Variants in CSRNP3 observed in about 807,000 individuals in gnomAD.
CSRNP3 encodes cysteine/serine-rich nuclear protein 3.
In CSRNP3, 12 loss-of-function variants were observed where a neutral mutation model predicts 48.0. That is an observed-to-expected ratio of 0.25 (90% CI 0.16 to 0.41). CSRNP3 has a LOEUF of 0.41. Among genes scored for constraint, CSRNP3 ranks in the 10% least tolerant of loss-of-function variants. CSRNP3 has a pLI of 1.00. For synonymous variants in CSRNP3, 263 were observed against 269.7 expected, an observed-to-expected ratio of 0.98 and a Z score of 0.24; for missense variants, 580 against 724.4, an observed-to-expected ratio of 0.80 and a Z score of 2.29.
At chr2:165,597,541 G>C (rs886715836) in intron 4 of CSRNP3, among the ~76,000 whole-genome samples, 1 of 151,850 alleles carries the variant, frequency 6.6e-6, no homozygotes, top group Non-Finnish European at 1.5e-5. Context: ...ACATTTAGTA[G>C]AATCACTATA....
At chr2:165,517,013 A>G (rs1684590807) in intron 2 of CSRNP3, among the ~76,000 whole-genome samples, 1 of 152,068 alleles carries the variant, frequency 6.6e-6, no homozygotes, top group Admixed American at 6.5e-5. Flanking sequence ...GCTATGATCA[A>G]TGATAGCTCT....
At chr2:165,486,086 G>A (rs898077526) in intron 1 of CSRNP3, among the ~76,000 whole-genome samples, 10 of 152,138 alleles carry the variant, frequency 6.6e-5, no homozygotes, top group East Asian at 1.9e-4. Context: ...CAGTGGGTGC[G>A]CGCACCGTGC....
chr2:165,592,827 A>C (rs1286083734), intron 3 of CSRNP3, among the ~76,000 whole-genome samples: 1 of 113,114 alleles, frequency 8.8e-6, no homozygotes, highest in Non-Finnish European at 1.7e-5. Context: ...TTTGAGACGG[A>C]GTCTCGCTCT....
chr2:165,503,566 G>T (rs1314527234), intron 2 of CSRNP3, among the ~76,000 whole-genome samples: 1 of 151,852 alleles, frequency 6.6e-6, no homozygotes, highest in Admixed American at 6.6e-5. Context: ...TATCTCACAT[G>T]ATTATTATTT....
chr2:165,583,465 AC>A (rs1264758705), intron 3 of CSRNP3, among the ~76,000 whole-genome samples: 1 of 152,116 alleles, frequency 6.6e-6, no homozygotes. Flanking sequence ...GCTGGAAAAG[AC>A]CCCAGTGGGA....
At chr2:165,653,435 G>T (rs1317939812) in intron 4 of CSRNP3, among the ~76,000 whole-genome samples, 1 of 152,092 alleles carries the variant, frequency 6.6e-6, no homozygotes, top group Non-Finnish European at 1.5e-5. Flanking sequence ...CTCTGCCAGG[G>T]GCCCAGCTGA....
intron 3 of CSRNP3, among the ~76,000 whole-genome samples, chr2:165,545,143 T>C (rs190025197): frequency 2.6e-4 from 39 of 152,254 alleles, no homozygotes; most frequent in Non-Finnish European, 4.9e-4. Flanking sequence ...ACTGGTGGTG[T>C]TGACAAGCAT....
At chr2:165,521,222 G>T (rs137990765) in intron 3 of CSRNP3, among the ~76,000 whole-genome samples, 5 of 151,890 alleles carry the variant, frequency 3.3e-5, no homozygotes, top group Non-Finnish European at 7.4e-5. Flanking sequence ...CTGGTTGAAG[G>T]TTATGGGGGA....
At chr2:165,632,684 T>A (rs1395817802) in intron 4 of CSRNP3, among the ~76,000 whole-genome samples, 1 of 152,216 alleles carries the variant, frequency 6.6e-6, no homozygotes, top group Non-Finnish European at 1.5e-5. Context: ...ATATTTTGAT[T>A]CATAAAAAGG....
At position 165,686,098 on chromosome 2, in the gene CSRNP3, T is replaced by C. The variant is rs898292945; in HGVS notation, c.*6345T>C. 6.6e-6 allele frequency: 1 copy of C among 152,106 alleles called. No individual in the cohort carries two copies. The highest frequency in any genetic ancestry group is 1.5e-5 in the Non-Finnish European group (1 of 67,984). 9.4% of individuals were successfully genotyped at this position (152,106 alleles called of 1,614,324 possible). On this transcript the variant is annotated 3_prime_UTR_variant, in exon 7 of 7. Transcript: ENST00000651982. ...AGGATCTCTTTCCTTTCTCTTTTGG[T>C]TTTCTCCCAATATTTTTATCTGTCT...
At chr2:165,649,119 G>A (rs1420173731) in intron 4 of CSRNP3, among the ~76,000 whole-genome samples, 1 of 151,906 alleles carries the variant, frequency 6.6e-6, no homozygotes, top group African/African-American at 2.4e-5. Context: ...CAGCTTCAAG[G>A]GTCATCTTTT....
At chr2:165,616,024 C>A (rs1686237276) in intron 4 of CSRNP3, among the ~76,000 whole-genome samples, 1 of 151,730 alleles carries the variant, frequency 6.6e-6, no homozygotes, top group Admixed American at 6.6e-5. Context: ...AGCCATCATG[C>A]CCAGCTTCCA....
In CSRNP3 at chr2:165,673,007, A is replaced by G. The variant is rs113824206; in HGVS notation, c.409-3305A>G. Reference sequence around the variant, plus strand: ...ATCTCCAGTCTTTATTAGAAATGATAGAGATGATATTGAGATGATGAAGAC... The same window carrying G: ...ATCTCCAGTCTTTATTAGAAATGATGGAGATGATATTGAGATGATGAAGAC... On this transcript the variant is annotated intron_variant, in intron 5 of 6. Coordinates refer to ENST00000651982, the MANE Select transcript of CSRNP3 (RefSeq NM_001172173.2). Among the ~76,000 whole-genome samples, 16 of 152,206 alleles carry G rather than the reference A, an allele frequency of 1.1e-4. 1 individual carries two copies. Among genetic ancestry groups the G allele is most frequent in the African/African-American group, 3.4e-4 (14 of 41,528 alleles).
intron 2 of CSRNP3, among the ~76,000 whole-genome samples, chr2:165,513,992 A>C (rs912456921): frequency 2.0e-5 from 3 of 152,242 alleles, no homozygotes; most frequent in African/African-American, 4.8e-5. Context: ...AGTTAGATGC[A>C]CATTTCTAAA....
chr2:165,565,780 A>G (rs1685289281), intron 3 of CSRNP3, among the ~76,000 whole-genome samples: 1 of 152,060 alleles, frequency 6.6e-6, no homozygotes, highest in Non-Finnish European at 1.5e-5. Flanking sequence ...TGTATGATTA[A>G]TAGAAAGCAT....
chr2:165,583,783 G>A lies in CSRNP3; in HGVS notation c.-23-11260G>A, dbSNP rs1334117506. ...TGTCATAAATGACAGTAAGTTAAAC[G>A]TTGGGAACAAATAATAGAACAAATT... is the stretch of plus-strand genomic sequence containing the variant. On this transcript the variant is annotated intron_variant, in intron 3 of 6. Transcript: ENST00000651982. 2.6e-5 allele frequency among the ~76,000 whole-genome samples: 4 copies of A among 152,212 alleles called. No homozygotes were observed. The East Asian group carries it at 5.8e-4, about 22-fold the overall frequency.
intron 4 of CSRNP3, among the ~76,000 whole-genome samples, chr2:165,643,030 G>T (rs957431187): frequency 6.6e-6 from 1 of 152,128 alleles, no homozygotes; most frequent in African/African-American, 2.4e-5. Context: ...TCTTCCATGG[G>T]TATTTTAGAG....
intron 3 of CSRNP3, among the ~76,000 whole-genome samples, chr2:165,584,029 G>A (rs1685588735): frequency 1.3e-5 from 2 of 152,258 alleles, no homozygotes; most frequent in East Asian, 3.9e-4. Context: ...TGTATAAATA[G>A]GATGAACAAA....
At chr2:165,500,908 A>G (rs1488682301) in intron 2 of CSRNP3, among the ~76,000 whole-genome samples, 1 of 152,104 alleles carries the variant, frequency 6.6e-6, no homozygotes, top group Non-Finnish European at 1.5e-5. Flanking sequence ...GTAATATTAT[A>G]TATAATTTTT....
Sources: gnomAD v4.1 joint callset for allele counts (sites outside exome capture counted in the v4.1 genomes callset) on GRCh38, gnomAD v4.1.1 for gene constraint, MANE v1.5 for transcripts, NCBI Gene and HGNC (gene_info 2026-07-23, HGNC 2026-07-21) for gene names.